Variants in LOXHD1 observed in about 807,000 individuals in gnomAD.
LOXHD1 encodes lipoxygenase homology PLAT domains 1.
LOXHD1 carries 205 observed loss-of-function variants against 248.2 expected under a neutral mutation model. The observed-to-expected ratio is 0.83, with a 90% CI of 0.74 to 0.93. The LOEUF is 0.93. Ranked by LOEUF, LOXHD1 falls within the 40% of genes least tolerant of loss-of-function variation. The pLI is 0.00. For missense variants in LOXHD1, 2,930 were observed against 2,971.6 expected (o/e 0.99, Z 0.33); for synonymous variants, 1,113 against 1,162.8 (o/e 0.96, Z 0.87).
At chr18:46,563,650 C>T (rs1399215409) in intron 17 of LOXHD1, among the ~76,000 whole-genome samples, 1 of 152,106 alleles carries the variant, frequency 6.6e-6, no homozygotes, top group East Asian at 1.9e-4. Flanking sequence ...ATTAGGCCCC[C>T]CAAAATGCTT....
At position 46,479,428 on chromosome 18, in the gene LOXHD1, G is replaced by A. The variant is rs112035107; in HGVS notation, c.6342-1476C>T. 9.0e-3 allele frequency among the ~76,000 whole-genome samples: 1,374 copies of A among 152,032 alleles called. 7 individuals carry two copies. Among genetic ancestry groups the A allele is most frequent in the Non-Finnish European group, 0.015 (1,022 of 68,006 alleles). On this transcript the variant is annotated intron_variant, in intron 40 of 40. Transcript: ENST00000642948. ...TTTTAGCCTCTGGGTAATGACAGTG[G>A]GTTCAGGAATTATAAAGGAAAAAGC...
chr18:46,518,769 G>T, intron 33 of LOXHD1: 2 of 565,414 alleles, frequency 3.5e-6, no homozygotes, highest in Non-Finnish European at 4.5e-6. Context: ...CCTGCCACCT[G>T]TGCAGCCCCA....
intron 4 of LOXHD1, among the ~76,000 whole-genome samples, chr18:46,627,293 A>G (rs2038755994): frequency 6.6e-6 from 1 of 152,216 alleles, no homozygotes; most frequent in Non-Finnish European, 1.5e-5. Context: ...AAGGGCCACC[A>G]GCAGAGACCC....
At chr18:46,649,089 G>C (rs891829178) in intron 2 of LOXHD1, 66 bp downstream of exon 2, 20 of 1,349,322 alleles carry the variant, frequency 1.5e-5, no homozygotes, top group Non-Finnish European at 2.0e-5. Flanking sequence ...GGCCACCCTT[G>C]GGTCCCAGAA....
intron 36 of LOXHD1, 43 bp from the exon 37 acceptor site, chr18:46,506,066 G>T: frequency 1.3e-6 from 2 of 1,544,664 alleles, no homozygotes; most frequent in South Asian, 2.4e-5. Context: ...CAGCCTCTTT[G>T]ACACACAGTC....
At chr18:46,507,442 T>G in intron 36 of LOXHD1, 96 bp downstream of exon 36, 1 of 1,403,752 alleles carries the variant, frequency 7.1e-7, no homozygotes, top group African/African-American at 1.4e-5. Flanking sequence ...GAAGGCCTTA[T>G]GAAGAAAAAT....
intron 29 of LOXHD1, among the ~76,000 whole-genome samples, chr18:46,527,135 GAAA>G (rs201869533): frequency 2.2e-5 from 3 of 135,096 alleles, no homozygotes; most frequent in Non-Finnish European, 3.2e-5. Flanking sequence ...TGAGAGAGAG[GAAA>G]AAAAAAAAAA....
chr18:46,529,194 T>C lies in LOXHD1; in HGVS notation c.4513A>G (p.Lys1505Glu). 1 of 1,551,348 alleles carries C rather than the reference T, an allele frequency of 6.4e-7. No individual in the cohort carries two copies. Among genetic ancestry groups the C allele is most frequent in the East Asian group, 2.4e-5 (1 of 40,898 alleles). The change falls in exon 29 of 41, where the codon AAG becomes GAG. Residue 1505 changes from lysine to glutamate, a missense_variant. By Grantham distance (56) the Lys-to-Glu change is moderately conservative (BLOSUM62 1). Transcript: ENST00000642948. ...YLGKSENRTN[K>E]FERGTADTFI... ...CCTCATACCGTTCCTCTCTCGAACT[T>C]GTTGGTCCGGTTCTCTGACTTGCCA...
rs528512030 is a variant in LOXHD1 at position 46,530,817 on chromosome 18, C to T, written c.4376-1486G>A. Among the ~76,000 whole-genome samples, 33 of 152,242 alleles carry T rather than the reference C, an allele frequency of 2.2e-4. No homozygotes were observed. In the South Asian group the frequency reaches 5.6e-3, roughly 26 times the overall value. ...CCTTCTGTGTGGCTGGACACTCCTT[C>T]ATGGGTAGCTTTATGGTTTCCTAAT... On this transcript the variant is annotated intron_variant, in intron 28 of 40. Transcript: ENST00000642948.
In LOXHD1 at chr18:46,545,322, T is replaced by C; in HGVS notation, c.3614A>G (p.Asp1205Gly). ...GCCCTGCACTGCTTTCTTACCAGTG[T>C]CATCCTGTGTGCCAAAGAGTGTGAT... ...VFITLFGTQD[D>G]TGMTLLKSSK... Residue 1205 changes from aspartate (D) to glycine (G), a missense_variant, in exon 23 of 41, where the codon GAC (aspartate) becomes GGC (glycine). By Grantham distance (94) the Asp-to-Gly change is moderately conservative. Transcript: ENST00000642948. The C allele has an allele frequency of 6.4e-7, 1 of 1,551,134 alleles. No homozygotes were observed. Among genetic ancestry groups the C allele is most frequent in the Non-Finnish European group, 8.7e-7 (1 of 1,146,340 alleles).
intron 34 of LOXHD1, among the ~76,000 whole-genome samples, chr18:46,511,926 A>G (rs2034987142): frequency 6.6e-6 from 1 of 152,212 alleles, no homozygotes; most frequent in African/African-American, 2.4e-5. Context: ...CTTTGAAAAA[A>G]TTATAACAGA....
chr18:46,577,111 C>T (rs2037873240), intron 14 of LOXHD1, among the ~76,000 whole-genome samples: 1 of 152,174 alleles, frequency 6.6e-6, no homozygotes, highest in African/African-American at 2.4e-5. Flanking sequence ...ATCCTCCAGA[C>T]ATTGCCACAT....
chr18:46,642,919 G>A (rs1004600295), intron 2 of LOXHD1, among the ~76,000 whole-genome samples: 12 of 152,194 alleles, frequency 7.9e-5, no homozygotes, highest in African/African-American at 2.9e-4. Context: ...CTCTCAGCCA[G>A]GACTCTCAGG....
chr18:46,605,292 C>T (rs566394309), intron 6 of LOXHD1, among the ~76,000 whole-genome samples: 13 of 152,124 alleles, frequency 8.5e-5, no homozygotes, highest in African/African-American at 2.9e-4. Context: ...TTTGGGAGGC[C>T]GAGGCGGGAG....
intron 13 of LOXHD1, among the ~76,000 whole-genome samples, chr18:46,578,219 G>A (rs919729775): frequency 2.0e-5 from 3 of 152,204 alleles, no homozygotes; most frequent in Non-Finnish European, 4.4e-5. Context: ...CCCTTCCAAG[G>A]AGGGAAATGA....
chr18:46,487,877 A>G (rs2033177145), intron 38 of LOXHD1, among the ~76,000 whole-genome samples: 1 of 152,230 alleles, frequency 6.6e-6, no homozygotes, highest in South Asian at 2.1e-4. Flanking sequence ...CTGGGAGCCA[A>G]TATATTCCCT....
At chr18:46,612,982 C>A (rs2038530900) in intron 5 of LOXHD1, among the ~76,000 whole-genome samples, 1 of 151,932 alleles carries the variant, frequency 6.6e-6, no homozygotes. Flanking sequence ...TTTTTAGAGA[C>A]CTAAAATGTC....
intron 31 of LOXHD1, among the ~76,000 whole-genome samples, chr18:46,522,660 T>C (rs1460852195): frequency 6.6e-6 from 1 of 152,204 alleles, no homozygotes; most frequent in African/African-American, 2.4e-5. Context: ...AGGCATTATA[T>C]GCCCAAAAAG....
Position 46,523,040 on chromosome 18 carries a change from C to T in LOXHD1, c.4877-731G>A, listed in dbSNP as rs541404152. Among the ~76,000 whole-genome samples, 278 of 152,218 alleles carry T rather than the reference C, an allele frequency of 1.8e-3. 4 individuals are homozygous for T. Among genetic ancestry groups the T allele is most frequent in the African/African-American group, 6.3e-3 (263 of 41,534 alleles). On this transcript the variant is annotated intron_variant, in intron 31 of 40. Coordinates refer to ENST00000642948, the MANE Select transcript of LOXHD1 (RefSeq NM_001384474.1). ...TCGGCTCACCGCAACCTCTGCCTCC[C>T]AGGTTCAAGTGATTCTCCTCCCTCA...
Sources: gnomAD v4.1 joint callset for allele counts (sites outside exome capture counted in the v4.1 genomes callset) on GRCh38, gnomAD v4.1.1 for gene constraint, MANE v1.5 for transcripts, NCBI Gene and HGNC (gene_info 2026-07-23, HGNC 2026-07-21) for gene names.